The following CFAP54 variants were observed in gnomAD, a reference collection of about 807,000 sequenced individuals.
CFAP54 encodes cilia- and flagella-associated protein 54.
Under a neutral mutation model 370.4 loss-of-function variants are expected in CFAP54, and 290 were observed. The observed-to-expected ratio is 0.78, with a 90% CI of 0.71 to 0.86. The LOEUF (loss-of-function observed/expected upper bound fraction) is 0.86, where lower values mean the gene tolerates loss of function less well. Among genes scored for constraint, CFAP54 ranks in the 40% least tolerant of loss-of-function variants. The probability of loss-of-function intolerance (pLI) is 0.00; values close to 1 mark genes in which losing one functional copy is unlikely to be tolerated. For missense variants in CFAP54, 3,399 were observed against 3,528.7 expected, an observed-to-expected ratio of 0.96 and a Z score of 0.93; for synonymous variants, 1,206 against 1,236.5, an observed-to-expected ratio of 0.98 and a Z score of 0.52.
At position 96,575,302 on chromosome 12, in the gene CFAP54, G is replaced by T. The variant is rs187364525; in HGVS notation, c.2620-1283G>T. 5.9e-5 allele frequency among the ~76,000 whole-genome samples: 9 copies of T among 152,170 alleles called. No homozygotes were observed. The East Asian group carries it at 1.5e-3, about 26-fold the overall frequency. On this transcript the variant is annotated intron_variant, in intron 19 of 67. Coordinates refer to ENST00000524981, the MANE Select transcript of CFAP54 (RefSeq NM_001306084.2). ...AATACAAGTCTTTTATCAGATACAT[G>T]ATTTGAAAACATTTTCTCCCATTCT... is the stretch of plus-strand genomic sequence containing the variant.
intron 44 of CFAP54, 118 bp downstream of exon 44, chr12:96,691,428 T>A: frequency 8.2e-6 from 5 of 608,088 alleles, no homozygotes; most frequent in Non-Finnish European, 1.3e-5. Flanking sequence ...TTTTAAACTC[T>A]ATATATGTGG....
At chr12:96,730,442 A>G (rs1249132072) in intron 50 of CFAP54, among the ~76,000 whole-genome samples, 1 of 152,234 alleles carries the variant, frequency 6.6e-6, no homozygotes, top group Non-Finnish European at 1.5e-5. Context: ...CCCAAGAAAC[A>G]AACTGTTCAA....
intron 33 of CFAP54, chr12:96,645,241 G>GC: frequency 2.3e-6 from 1 of 435,266 alleles, no homozygotes; most frequent in Non-Finnish European, 4.7e-6. Context: ...ATGGAATACT[G>GC]TGTAGCTATT....
At chr12:96,708,395 G>A (rs1209338653) in intron 47 of CFAP54, among the ~76,000 whole-genome samples, 1 of 152,164 alleles carries the variant, frequency 6.6e-6, no homozygotes, top group Admixed American at 6.5e-5. Context: ...GCACAGGTTA[G>A]AAATTGGTGG....
chr12:96,696,559 T>C (rs1269962330), intron 45 of CFAP54, among the ~76,000 whole-genome samples: 3 of 152,044 alleles, frequency 2.0e-5, no homozygotes, highest in African/African-American at 7.2e-5. Context: ...AGAGAAGAAC[T>C]GTGGACTCAA....
At chr12:96,864,295 A>G (rs1377107295) in intron 67 of CFAP54, among the ~76,000 whole-genome samples, 1 of 152,192 alleles carries the variant, frequency 6.6e-6, no homozygotes, top group African/African-American at 2.4e-5. Context: ...GTCAGGAAAG[A>G]GCGAAGAGAA....
At position 96,875,465 on chromosome 12, in the gene CFAP54, T is replaced by A. The variant is rs193153118; in HGVS notation, c.*362T>A. The A allele has an allele frequency of 5.3e-5, 8 of 152,312 alleles. No homozygotes were observed. Among genetic ancestry groups the A allele is most frequent in the Non-Finnish European group, 4.4e-5 (3 of 68,020 alleles). 9.4% of individuals were successfully genotyped at this position (152,312 alleles called of 1,614,324 possible). The stretch of plus-strand genomic sequence containing the variant: ...TCATTTGTCCAGCTTATCTATTTCT[T>A]TATCAAGTTGCTTTGGCTTCCCCAC... On this transcript the variant is annotated 3_prime_UTR_variant, in exon 68 of 68. Transcript: ENST00000524981.
intron 64 of CFAP54, among the ~76,000 whole-genome samples, chr12:96,814,454 C>T (rs1958956359): frequency 6.6e-6 from 1 of 152,218 alleles, no homozygotes; most frequent in Non-Finnish European, 1.5e-5. Flanking sequence ...AGGAACCAAG[C>T]ATGACTCATC....
At chr12:96,499,864 T>TC (rs1955005078) in intron 1 of CFAP54, among the ~76,000 whole-genome samples, 1 of 152,114 alleles carries the variant, frequency 6.6e-6, no homozygotes, top group Non-Finnish European at 1.5e-5. Flanking sequence ...GAGAATTGCT[T>TC]GAACCCCAGA....
chr12:96,642,765 A>T (rs978439155), intron 32 of CFAP54, among the ~76,000 whole-genome samples: 3 of 152,126 alleles, frequency 2.0e-5, no homozygotes, highest in African/African-American at 7.2e-5. Flanking sequence ...ATTTCTGCTG[A>T]TTGTCCTTGT....
chr12:96,756,825 A>G (rs1439555160), intron 57 of CFAP54, among the ~76,000 whole-genome samples: 1 of 152,214 alleles, frequency 6.6e-6, no homozygotes, highest in African/African-American at 2.4e-5. Flanking sequence ...GGGCCTCCTC[A>G]GGATGACTGG....
In CFAP54 at chr12:96,804,616, G is replaced by T. The variant is rs1958858294; in HGVS notation, c.8851-7120G>T. Among the ~76,000 whole-genome samples, 3 of 152,106 alleles carry T rather than the reference G, an allele frequency of 2.0e-5. No individual in the cohort carries two copies. The South Asian group carries it at 6.2e-4, about 31-fold the overall frequency. On this transcript the variant is annotated intron_variant, in intron 63 of 67. Coordinates refer to ENST00000524981, the MANE Select transcript of CFAP54 (RefSeq NM_001306084.2). ...CAAAACACTGATGAAAGAAAGTGTA[G>T]ATGACACAAACATGGAAAAACATTC... is the stretch of plus-strand genomic sequence containing the variant.
At chr12:96,770,823 C>T (rs1173455434) in intron 60 of CFAP54, among the ~76,000 whole-genome samples, 2 of 152,190 alleles carry the variant, frequency 1.3e-5, no homozygotes, top group Non-Finnish European at 2.9e-5. Flanking sequence ...GTGTACTATT[C>T]CACTACTAAT....
chr12:96,829,161 A>G, intron 66 of CFAP54, 73 bp downstream of exon 66: 1 of 849,712 alleles, frequency 1.2e-6, no homozygotes, highest in Non-Finnish European at 1.8e-6. Context: ...AAATATAGAA[A>G]ACATCTAATT....
intron 19 of CFAP54, among the ~76,000 whole-genome samples, chr12:96,573,397 C>T (rs1262473858): frequency 2.6e-5 from 4 of 152,160 alleles, no homozygotes; most frequent in Admixed American, 2.6e-4. Flanking sequence ...TCTTTTCTGT[C>T]TCTGGCCTCT....
chr12:96,837,367 A>G (rs375189184), intron 66 of CFAP54, among the ~76,000 whole-genome samples: 4 of 152,202 alleles, frequency 2.6e-5, no homozygotes, highest in African/African-American at 9.6e-5. Context: ...GTACTGAGTT[A>G]TCATGTAAAA....
intron 50 of CFAP54, among the ~76,000 whole-genome samples, chr12:96,723,956 A>C (rs1565954638): frequency 6.6e-6 from 1 of 150,644 alleles, no homozygotes; most frequent in East Asian, 2.0e-4. Flanking sequence ...GCAATAGTTT[A>C]CTGAGAATGA....
chr12:96,757,724 A>G, intron 58 of CFAP54, 136 bp downstream of exon 58: 1 of 523,194 alleles, frequency 1.9e-6, no homozygotes, highest in South Asian at 3.1e-5. Flanking sequence ...TTGTAGTTAC[A>G]CTTGTAACTA....
intron 19 of CFAP54, among the ~76,000 whole-genome samples, chr12:96,575,446 C>T (rs938531817): frequency 2.0e-5 from 3 of 152,010 alleles, no homozygotes; most frequent in Non-Finnish European, 2.9e-5. Flanking sequence ...TTCCAGAACA[C>T]TTTAAGTGAA....
Sources: gnomAD v4.1 joint callset for allele counts (sites outside exome capture counted in the v4.1 genomes callset) on GRCh38, gnomAD v4.1.1 for gene constraint, MANE v1.5 for transcripts, NCBI Gene and HGNC (gene_info 2026-07-23, HGNC 2026-07-21) for gene names.